The following DPYSL2 variants were observed in gnomAD, a reference collection of about 807,000 sequenced individuals.
DPYSL2 encodes the protein dihydropyrimidinase like 2, also known as dihydropyrimidinase-related protein 2.
DPYSL2 carries 13 observed loss-of-function variants against 69.9 expected under a neutral mutation model. That is an observed-to-expected ratio of 0.19 (90% CI 0.12 to 0.30). The LOEUF is 0.30. Among genes scored for constraint, DPYSL2 ranks in the 10% least tolerant of loss-of-function variants. The pLI, the probability that DPYSL2 is intolerant of heterozygous loss-of-function variation, is 1.00. For synonymous variants in DPYSL2, 326 were observed against 359.1 expected, an observed-to-expected ratio of 0.91 and a Z score of 1.04; for missense variants, 587 against 918.9, an observed-to-expected ratio of 0.64 and a Z score of 4.67.
chr8:26,626,283 A>G lies in DPYSL2; in HGVS notation c.794-334A>G, dbSNP rs1802609381. Among the ~76,000 whole-genome samples, 1 of 152,192 alleles carries G rather than the reference A, an allele frequency of 6.6e-6. No homozygotes were observed. The highest frequency in any genetic ancestry group is 1.5e-5 in the Non-Finnish European group (1 of 68,044). ...CTTCCACCTTTTGGCTATTGTGAATAATTCTGCTATGAACATGGATGTGCA... is the reference window on the plus strand; with the variant it reads ...CTTCCACCTTTTGGCTATTGTGAATGATTCTGCTATGAACATGGATGTGCA... On this transcript the variant is annotated intron_variant, in intron 4 of 13. Coordinates refer to ENST00000521913, the MANE Select transcript of DPYSL2 (RefSeq NM_001197293.3). This position sits in a 1 kb window ranked among gnomAD's most constrained non-coding sequence, Gnocchi z 4.3.
rs984291812 is a variant in DPYSL2 at position 26,608,776 on chromosome 8, A to G, written c.629-15367A>G. ...GGTACAATGGCCGTGGTTCAGACTC[A>G]GATGTTATGCTATGTTTTGAATTCA... On this transcript the variant is annotated intron_variant, in intron 3 of 13. Coordinates refer to ENST00000521913, the MANE Select transcript of DPYSL2 (RefSeq NM_001197293.3). Among the ~76,000 whole-genome samples the G allele has an allele frequency of 3.3e-5, 5 of 152,346 alleles. No homozygotes were observed. The East Asian group carries it at 9.6e-4, about 29-fold the overall frequency.
At chr8:26,631,417 C>T (rs1007680749) in intron 7 of DPYSL2, among the ~76,000 whole-genome samples, 3 of 152,168 alleles carry the variant, frequency 2.0e-5, no homozygotes, top group African/African-American at 7.2e-5. Context: ...CTCATTATCA[C>T]AAGATCTGCA....
chr8:26,562,652 G>A lies in DPYSL2; in HGVS notation c.355-19317G>A, dbSNP rs1475506371. Among the ~76,000 whole-genome samples, 1 of 152,156 alleles carries A rather than the reference G, an allele frequency of 6.6e-6. No individual in the cohort carries two copies. Among genetic ancestry groups the A allele is most frequent in the Admixed American group, 6.5e-5 (1 of 15,286 alleles). On this transcript the variant is annotated intron_variant, in intron 1 of 13. Transcript: ENST00000521913. The surrounding 1 kb of genome is among the most constrained non-coding windows in gnomAD (Gnocchi z 4.9). ...GTCCCTGCCTGCTGCTTTAACTTCG[G>A]TTGTACAAAGCAGATGTTACTGTGT... is the stretch of plus-strand genomic sequence containing the variant.
At chr8:26,550,419 G>A (rs761605765) in intron 1 of DPYSL2, among the ~76,000 whole-genome samples, 1 of 152,034 alleles carries the variant, frequency 6.6e-6, no homozygotes, top group Non-Finnish European at 1.5e-5. Context: ...ATAGTAACAA[G>A]CATAGAAGAT....
At position 26,657,788 on chromosome 8, in the gene DPYSL2, A is replaced by G. The variant is rs1239935614; in HGVS notation, c.*2082A>G. Reference sequence around the variant, plus strand: ...TTGTTTTCTTAAAAAACAAGTTAAAACCTGACGATTTCTGCAGGCTGTGTA... The same window carrying G: ...TTGTTTTCTTAAAAAACAAGTTAAAGCCTGACGATTTCTGCAGGCTGTGTA... On this transcript the variant is annotated 3_prime_UTR_variant, in exon 14 of 14. Transcript: ENST00000521913. 2 of 152,506 alleles carry G rather than the reference A, an allele frequency of 1.3e-5. No individual in the cohort carries two copies. The highest frequency in any genetic ancestry group is 2.9e-5 in the Non-Finnish European group (2 of 68,018). 9.4% of individuals were successfully genotyped at this position (152,506 alleles called of 1,614,324 possible).
Position 26,533,482 on chromosome 8 carries a change from T to A in DPYSL2, c.354+18803T>A, listed in dbSNP as rs62492702. Among the ~76,000 whole-genome samples the A allele has an allele frequency of 0.041, 6,244 of 152,298 alleles. 246 individuals are homozygous for A. Among genetic ancestry groups the A allele is most frequent in the African/African-American group, 0.1 (4,135 of 41,546 alleles). ...ACTTACCCCTGTGTTTTCTCCTGGA[T>A]GTTTCATAGTTTTTGCTTTTACCTG... On this transcript the variant is annotated intron_variant, in intron 1 of 13. Coordinates refer to ENST00000521913, the MANE Select transcript of DPYSL2 (RefSeq NM_001197293.3). This position sits in a 1 kb window ranked among gnomAD's most constrained non-coding sequence, Gnocchi z 4.8.
At chr8:26,538,335 A>G (rs973984016) in intron 1 of DPYSL2, among the ~76,000 whole-genome samples, 3 of 152,214 alleles carry the variant, frequency 2.0e-5, no homozygotes, top group Non-Finnish European at 4.4e-5. Flanking sequence ...TAAAGGAACT[A>G]TAGTAACCCA....
At position 26,514,693 on chromosome 8, in the gene DPYSL2, T is replaced by C; in HGVS notation, c.354+14T>C. ...ATCAACGACCAGGTCGGTGTGGGGG[T>C]TGGGGGTGGAGACGGAGGACGGGGC... On this transcript the variant is annotated intron_variant, in intron 1 of 13. Transcript: ENST00000521913. This position sits in a 1 kb window ranked among gnomAD's most constrained non-coding sequence, Gnocchi z 8.4. The C allele has an allele frequency of 7.2e-7, 1 of 1,384,064 alleles. No homozygotes were observed. The highest frequency in any genetic ancestry group is 9.3e-7 in the Non-Finnish European group (1 of 1,072,588). The allele number at this position is 1,384,064 out of a possible 1,614,324, so 85.7% of individuals were successfully genotyped here.
At position 26,657,958 on chromosome 8, in the gene DPYSL2, T is replaced by C. The variant is rs1033884163; in HGVS notation, c.*2252T>C. 1 of 152,644 alleles carries C rather than the reference T, an allele frequency of 6.6e-6. No homozygotes were observed. The highest frequency in any genetic ancestry group is 1.5e-5 in the Non-Finnish European group (1 of 68,038). 9.5% of individuals were successfully genotyped at this position (152,644 alleles called of 1,614,324 possible). On this transcript the variant is annotated 3_prime_UTR_variant, in exon 14 of 14. Transcript: ENST00000521913. ...AGTGTAGGATTTAAGAATAGATGGTTTTTAATCCTGGAAATTGTGATTGTG... is the reference window on the plus strand; with the variant it reads ...AGTGTAGGATTTAAGAATAGATGGTCTTTAATCCTGGAAATTGTGATTGTG...
intron 13 of DPYSL2, among the ~76,000 whole-genome samples, chr8:26,655,402 G>A (rs1439636464): frequency 6.6e-6 from 1 of 152,060 alleles, no homozygotes; most frequent in Non-Finnish European, 1.5e-5. Flanking sequence ...GGGGCCGAGT[G>A]GGAGGATGGC....
intron 3 of DPYSL2, among the ~76,000 whole-genome samples, chr8:26,592,459 T>G (rs1200170110): frequency 1.5e-5 from 2 of 130,612 alleles, no homozygotes; most frequent in Non-Finnish European, 3.3e-5. Context: ...GTTTGGTACA[T>G]TAGTTTTTTT....
intron 3 of DPYSL2, among the ~76,000 whole-genome samples, chr8:26,589,673 G>A (rs936289408): frequency 6.6e-6 from 1 of 152,234 alleles, no homozygotes; most frequent in Admixed American, 6.5e-5. Flanking sequence ...GGTGGGGGAG[G>A]GTGGCAGAAA....
chr8:26,514,046 G>A lies in DPYSL2; in HGVS notation c.-280G>A, dbSNP rs1808226073. On this transcript the variant is annotated 5_prime_UTR_variant, in exon 1 of 14. Transcript: ENST00000521913. This position sits in a 1 kb window ranked among gnomAD's most constrained non-coding sequence, Gnocchi z 8.4. The stretch of plus-strand genomic sequence containing the variant: ...AACTGGCAGCCTTTCGGCTCCCGCA[G>A]CCGCAGCGGACGCCCTCCCAGATCC... 3 of 291,678 alleles carry A rather than the reference G, an allele frequency of 1.0e-5. No homozygotes were observed. Among genetic ancestry groups the A allele is most frequent in the Non-Finnish European group, 1.9e-5 (3 of 158,424 alleles). The allele number at this position is 291,678 out of a possible 1,614,324, so 18.1% of individuals were successfully genotyped here.
At chr8:26,569,639 A>G (rs1012911661) in intron 1 of DPYSL2, among the ~76,000 whole-genome samples, 1 of 152,218 alleles carries the variant, frequency 6.6e-6, no homozygotes, top group Non-Finnish European at 1.5e-5. Flanking sequence ...GAAATACTCA[A>G]GTAAACAAAT....
At chr8:26,529,300 TATC>T (rs1180953237) in intron 1 of DPYSL2, among the ~76,000 whole-genome samples, 29 of 145,944 alleles carry the variant, frequency 2.0e-4, no homozygotes, top group African/African-American at 6.5e-4. Context: ...TCTATCTATC[TATC>T]ATCTATCTAT....
rs1803267930 is a variant in DPYSL2, at chr8:26,650,867, T to C, written c.1597-1390T>C. ...GTGGTCTGAATGCATGCCGCCTGTG[T>C]GGTCCAGAACAATGTCAAGCTGAGA... is the stretch of plus-strand genomic sequence containing the variant. On this transcript the variant is annotated intron_variant, in intron 11 of 13. Transcript: ENST00000521913. This position sits in a 1 kb window ranked among gnomAD's most constrained non-coding sequence, Gnocchi z 5.3. Among the ~76,000 whole-genome samples the C allele has an allele frequency of 6.6e-6, 1 of 152,204 alleles. No individual in the cohort carries two copies. Among genetic ancestry groups the C allele is most frequent in the Non-Finnish European group, 1.5e-5 (1 of 68,038 alleles).
chr8:26,545,013 C>A (rs1483638101), intron 1 of DPYSL2, among the ~76,000 whole-genome samples: 1 of 152,102 alleles, frequency 6.6e-6, no homozygotes, highest in Non-Finnish European at 1.5e-5. Context: ...ATATATAAAG[C>A]AAATATTGAC....
rs1293207169 is a variant in DPYSL2 at position 26,648,543 on chromosome 8, C to T, written c.1596+743C>T. Among the ~76,000 whole-genome samples the T allele has an allele frequency of 6.6e-6, 1 of 152,092 alleles. No individual in the cohort carries two copies. Among genetic ancestry groups the T allele is most frequent in the Non-Finnish European group, 1.5e-5 (1 of 68,028 alleles). ...ATTAAGCAGAGTTGTTAGACACTGC[C>T]GATTCCTCACAAGCAACATGGTATA... On this transcript the variant is annotated intron_variant, in intron 11 of 13. Coordinates refer to ENST00000521913, the MANE Select transcript of DPYSL2 (RefSeq NM_001197293.3). This position sits in a 1 kb window ranked among gnomAD's most constrained non-coding sequence, Gnocchi z 4.3.
In DPYSL2 at chr8:26,644,978, G is replaced by A. The variant is rs932976916; in HGVS notation, c.1425+887G>A. ...TCCTTATTTCCAGAAGAATAAGGAAGTAAATAAAAGTCACTGTGTTTCAGA... is the reference window on the plus strand; with the variant it reads ...TCCTTATTTCCAGAAGAATAAGGAAATAAATAAAAGTCACTGTGTTTCAGA... On this transcript the variant is annotated intron_variant, in intron 10 of 13. Transcript: ENST00000521913. The surrounding 1 kb of genome is among the most constrained non-coding windows in gnomAD (Gnocchi z 4.5). 6.6e-6 allele frequency among the ~76,000 whole-genome samples: 1 copy of A among 152,160 alleles called. No individual in the cohort carries two copies. The highest frequency in any genetic ancestry group is 2.4e-5 in the African/African-American group (1 of 41,426).
Sources: gnomAD v4.1 joint callset for allele counts (sites outside exome capture counted in the v4.1 genomes callset) on GRCh38, gnomAD v4.1.1 for gene constraint, Gnocchi (gnomAD v3.1) non-coding constraint, MANE v1.5 for transcripts, NCBI Gene and HGNC (gene_info 2026-07-23, HGNC 2026-07-21) for gene names.